The following FBN3 variants were observed in gnomAD, a reference collection of about 807,000 sequenced individuals.
FBN3 encodes the protein fibrillin-3.
FBN3 carries 234 observed loss-of-function variants against 330.1 expected under a neutral mutation model. That is an observed-to-expected ratio of 0.71 (90% CI 0.64 to 0.79). The LOEUF is 0.79. Ranked by LOEUF, FBN3 falls within the 30% of genes least tolerant of loss-of-function variation. FBN3 has a pLI of 0.00. For missense variants in FBN3, 3,606 were observed against 3,886.9 expected, an observed-to-expected ratio of 0.93 and a Z score of 1.92; for synonymous variants, 1,458 against 1,517.3, an observed-to-expected ratio of 0.96 and a Z score of 0.91.
intron 38 of FBN3, among the ~76,000 whole-genome samples, 177 bp downstream of exon 38, chr19:8,105,931 C>A (rs1170982693): frequency 6.6e-6 from 1 of 152,138 alleles, no homozygotes; most frequent in Non-Finnish European, 1.5e-5. Flanking sequence ...TCCACAGCAG[C>A]CATGAACATC....
intron 25 of FBN3, among the ~76,000 whole-genome samples, chr19:8,119,609 G>A (rs2082790754): frequency 6.6e-6 from 1 of 151,970 alleles, no homozygotes; most frequent in African/African-American, 2.4e-5. Context: ...CGCCTCCTGG[G>A]TTCATGCAAT....
chr19:8,138,648 CCTG>C, intron 8 of FBN3, 84 bp from the exon 9 acceptor site: 1 of 1,406,902 alleles, frequency 7.1e-7, no homozygotes, highest in Non-Finnish European at 9.6e-7. Context: ...AGCAGCACTG[CCTG>C]TAGGACGGGT....
intron 41 of FBN3, among the ~76,000 whole-genome samples, chr19:8,100,152 G>A (rs539698271): frequency 5.9e-5 from 9 of 152,188 alleles, no homozygotes; most frequent in East Asian, 3.9e-4. Flanking sequence ...CCCTAGAACC[G>A]TCAGATTCAC....
Position 8,136,475 on chromosome 19 carries a change from G to A in FBN3, c.1258C>T (p.Leu420=), listed in dbSNP as rs921585932. 1.2e-6 allele frequency: 2 copies of A among 1,614,182 alleles called. No homozygotes were observed. The highest frequency in any genetic ancestry group is 1.7e-5 in the Admixed American group (1 of 60,022). Residue 420 remains leucine (L), a synonymous_variant, in exon 11 of 64, where the codon CTG becomes TTG. Coordinates refer to ENST00000600128, the MANE Select transcript of FBN3 (RefSeq NM_032447.5). Reference sequence around the variant, plus strand: ...GGCGTGGGCAGGCAGCGGCCATTCAGACACAGGTTGGTGAAGTGTCGGCAG... The same window carrying A: ...GGCGTGGGCAGGCAGCGGCCATTCAAACACAGGTTGGTGAAGTGTCGGCAG... ...DICRHFTNLC[L]NGRCLPTPSS... is the part of the protein sequence containing the mutation.
Position 8,131,111 on chromosome 19 carries a change from C to T in FBN3, c.2044+124G>A, listed in dbSNP as rs1272934627. The T allele has an allele frequency of 6.2e-6, 5 of 804,660 alleles. No homozygotes were observed. The highest frequency in any genetic ancestry group is 2.7e-5 in the East Asian group (1 of 37,186). The allele number at this position is 804,660 out of a possible 1,614,324, so 49.8% of individuals were successfully genotyped here. The stretch of plus-strand genomic sequence containing the variant: ...GAGAATCAGCTTCTGTTGTTGAAGC[C>T]GTCTGGTCTGGGGCACTTTGTTACG... On this transcript the variant is annotated intron_variant, in intron 16 of 63. Transcript: ENST00000600128. This position sits in a 1 kb window ranked among gnomAD's most constrained non-coding sequence, Gnocchi z 4.5.
Position 8,117,509 on chromosome 19 carries a change from A to C in FBN3, c.3418T>G (p.Cys1140Gly). 1 of 1,559,874 alleles carries C rather than the reference A, an allele frequency of 6.4e-7. No homozygotes were observed. Among genetic ancestry groups the C allele is most frequent in the Non-Finnish European group, 8.7e-7 (1 of 1,151,438 alleles). ...VNVIGAFQCS[C>G]HAGFQSTPDR... Reference sequence around the variant, plus strand: ...GGTGTGCTCTGGAAGCCGGCATGGCAGGAGCACTGGAAGGCACCGATGACA... The same window carrying C: ...GGTGTGCTCTGGAAGCCGGCATGGCCGGAGCACTGGAAGGCACCGATGACA... Residue 1140 changes from cysteine (C) to glycine (G), a missense_variant, in exon 27 of 64, where the codon TGC becomes GGC. Cys to Gly is a radical substitution (Grantham distance 159, BLOSUM62 -3). Transcript: ENST00000600128.
intron 30 of FBN3, among the ~76,000 whole-genome samples, chr19:8,114,680 C>T (rs1463548502): frequency 6.6e-6 from 1 of 152,106 alleles, no homozygotes; most frequent in Non-Finnish European, 1.5e-5. Context: ...CTGCTTTGGC[C>T]TCCCAAAGTG....
Position 8,111,197 on chromosome 19 carries a change from A to C in FBN3, c.4085-14T>G. 2 of 1,579,744 alleles carry C rather than the reference A, an allele frequency of 1.3e-6. No individual in the cohort carries two copies. Among genetic ancestry groups the C allele is most frequent in the Non-Finnish European group, 1.7e-6 (2 of 1,162,620 alleles). ...ATTCATCCCTGTCTGAGGGGCCCCA[A>C]GATTCGGAGGGCTGGAGGCCGGTGG... On this transcript the variant is annotated splice_polypyrimidine_tract_variant and intron_variant, in intron 32 of 63. Coordinates refer to ENST00000600128, the MANE Select transcript of FBN3 (RefSeq NM_032447.5).
At position 8,124,031 on chromosome 19, in the gene FBN3, G is replaced by A. The variant is rs138150736; in HGVS notation, c.2732-23C>T. ...CATCTGCACGGGGGACAGTCACTGC[G>A]TCCCCACCCCTGCCACACTGTGCCC... On this transcript the variant is annotated intron_variant, in intron 22 of 63. Transcript: ENST00000600128. 2.6e-4 allele frequency: 412 copies of A among 1,588,868 alleles called. 1 individual carries two copies. Among genetic ancestry groups the A allele is most frequent in the Middle Eastern group, 1.8e-3 (11 of 6,010 alleles).
At chr19:8,145,770 T>A in intron 5 of FBN3, 73 bp downstream of exon 5, 1 of 1,156,158 alleles carries the variant, frequency 8.6e-7, no homozygotes, top group East Asian at 2.6e-5. Flanking sequence ...AGTGGGCAGG[T>A]GGCAGCAGAG....
rs760293643 is a variant in FBN3 at position 8,085,448 on chromosome 19, G to A, written c.7002C>T (p.Pro2334=). Reference sequence around the variant, plus strand: ...CGGGCAGGGGACAGAGCTCGCAGCGGGGCCCCCAGCCCCGGCCACCCCCAC... The same window carrying A: ...CGGGCAGGGGACAGAGCTCGCAGCGAGGCCCCCAGCCCCGGCCACCCCCAC... ...CCCGGGRGWG[P]RCELCPLPGT... is the part of the protein sequence containing the mutation. The change falls in exon 56 of 64, where the codon CCC becomes CCT. Residue 2334 remains proline, a synonymous_variant. Coordinates refer to ENST00000600128, the MANE Select transcript of FBN3 (RefSeq NM_032447.5). The A allele has an allele frequency of 5.1e-6, 8 of 1,576,906 alleles. No individual in the cohort carries two copies. Among genetic ancestry groups the A allele is most frequent in the Non-Finnish European group, 6.9e-6 (8 of 1,163,070 alleles).
chr19:8,107,223 GTGGAAGGATGGATGGA>G (rs371514676), intron 37 of FBN3, among the ~76,000 whole-genome samples: 2,748 of 149,434 alleles, frequency 0.018, 30 homozygotes, highest in Middle Eastern at 0.047. Flanking sequence ...GGATGGTTGG[GTGGAAGGATGGATGGA>G]TGGAAGGATG....
chr19:8,134,504 C>T lies in FBN3; in HGVS notation c.1592-1398G>A, dbSNP rs540242045. ...GAGGCGGGGACATTGCTTGAGCCCC[C>T]CAGGGCCCCTCCCTGGGGTGTGGGA... On this transcript the variant is annotated intron_variant, in intron 13 of 63. Transcript: ENST00000600128. 3.5e-4 allele frequency among the ~76,000 whole-genome samples: 53 copies of T among 152,206 alleles called. No individual in the cohort carries two copies. In the South Asian group the frequency reaches 0.011, roughly 31 times the overall value.
rs769704081 is a variant in FBN3, at chr19:8,138,538, C to T, written c.892G>A (p.Val298Met). Residue 298 changes from valine to methionine, a missense_variant, in exon 9 of 64, where the codon GTG (valine) becomes ATG (methionine). Val to Met is a conservative substitution (Grantham distance 21, BLOSUM62 1). Transcript: ENST00000600128. Reference protein sequence around the residue: ...EDYRAGACFSVLFGGRCAGDL... With the variant: ...EDYRAGACFSMLFGGRCAGDL... Reference sequence around the variant, plus strand: ...CCAGCACAGCGGCCCCCGAAAAGCACTGAGAAGCAGGCGCCGGCCCGGTAG... The same window carrying T: ...CCAGCACAGCGGCCCCCGAAAAGCATTGAGAAGCAGGCGCCGGCCCGGTAG... 1 of 1,611,756 alleles carries T rather than the reference C, an allele frequency of 6.2e-7. No homozygotes were observed.
chr19:8,103,455 A>T, intron 39 of FBN3, 107 bp downstream of exon 39: 1 of 1,185,312 alleles, frequency 8.4e-7, no homozygotes, highest in Non-Finnish European at 1.2e-6. Context: ...AGCACTTCAT[A>T]TATGCTTACC....
chr19:8,091,344 AC>A, intron 48 of FBN3, 120 bp downstream of exon 48: 1 of 1,322,792 alleles, frequency 7.6e-7, no homozygotes, highest in Non-Finnish European at 1.0e-6. Flanking sequence ...GCAAACAGAC[AC>A]CTCTGCCTGG....
At position 8,075,156 on chromosome 19, in the gene FBN3, C is replaced by T; in HGVS notation, c.7617G>A (p.Gln2539=). 2 of 1,574,388 alleles carry T rather than the reference C, an allele frequency of 1.3e-6. No homozygotes were observed. Among genetic ancestry groups the T allele is most frequent in the Non-Finnish European group, 8.6e-7 (1 of 1,159,288 alleles). ...VNECDGPHRC[Q]HGCQNQLGGY... Reference sequence around the variant, plus strand: ...CCCCTAGCTGGTTCTGACAGCCATGCTGGCAGCGGTGGGGCCCATCACATT... The same window carrying T: ...CCCCTAGCTGGTTCTGACAGCCATGTTGGCAGCGGTGGGGCCCATCACATT... Residue 2539 remains glutamine (Q), a synonymous_variant, in exon 61 of 64, where the codon CAG becomes CAA. Transcript: ENST00000600128.
Position 8,099,688 on chromosome 19 carries a change from G to C in FBN3, c.5161+1213C>G, listed in dbSNP as rs1027456859. 1.3e-4 allele frequency among the ~76,000 whole-genome samples: 19 copies of C among 151,884 alleles called. 1 individual carries two copies. The highest frequency in any genetic ancestry group is 1.1e-3 in the Admixed American group (16 of 15,224). On this transcript the variant is annotated intron_variant, in intron 41 of 63. Transcript: ENST00000600128. Reference sequence around the variant, plus strand: ...TGCATAGTTGACATTTGGGATGCAGGTGTTAAATTATGCAATACGTTGTTA... The same window carrying C: ...TGCATAGTTGACATTTGGGATGCAGCTGTTAAATTATGCAATACGTTGTTA...
At chr19:8,115,699 G>T in intron 29 of FBN3, 59 bp from the exon 30 acceptor site, 1 of 1,588,924 alleles carries the variant, frequency 6.3e-7, no homozygotes, top group South Asian at 1.1e-5. Context: ...AGGAGAGGAA[G>T]TAGGTGAGGG....
Sources: gnomAD v4.1 joint callset for allele counts (sites outside exome capture counted in the v4.1 genomes callset) on GRCh38, gnomAD v4.1.1 for gene constraint, Gnocchi (gnomAD v3.1) non-coding constraint, MANE v1.5 for transcripts, NCBI Gene and HGNC (gene_info 2026-07-23, HGNC 2026-07-21) for gene names.